The following NPAS3 variants were observed in gnomAD, a reference collection of about 807,000 sequenced individuals.
NPAS3 encodes neuronal PAS domain-containing protein 3.
In NPAS3, 14 loss-of-function variants were observed where a neutral mutation model predicts 73.1. The observed-to-expected ratio is 0.19, with a 90% CI of 0.13 to 0.30. The LOEUF (loss-of-function observed/expected upper bound fraction) is 0.30. NPAS3 is among the 10% of genes least tolerant of loss of function. The pLI is 1.00. For missense variants in NPAS3, 1,096 were observed against 1,250.0 expected (o/e 0.88, Z 1.86); for synonymous variants, 620 against 541.5 (o/e 1.14, Z -2.01).
chr14:33,656,840 C>G (rs2059158127), intron 5 of NPAS3, among the ~76,000 whole-genome samples: 1 of 152,182 alleles, frequency 6.6e-6, no homozygotes, highest in African/African-American at 2.4e-5. Flanking sequence ...TTTGTACACC[C>G]TAACCAAAAT....
At chr14:33,070,485 A>T (rs1213564388) in intron 2 of NPAS3, among the ~76,000 whole-genome samples, 1 of 152,338 alleles carries the variant, frequency 6.6e-6, no homozygotes, top group East Asian at 1.9e-4. Flanking sequence ...GTCTGAGCTC[A>T]GTATTACTGA....
At chr14:33,750,492 T>C (rs1194957385) in intron 7 of NPAS3, among the ~76,000 whole-genome samples, 1 of 152,194 alleles carries the variant, frequency 6.6e-6, no homozygotes, top group Non-Finnish European at 1.5e-5. Context: ...AACTAGAGTT[T>C]TAGAATGTAG....
intron 5 of NPAS3, chr14:33,583,542 G>A (rs1293045415): frequency 6.6e-6 from 1 of 152,034 alleles, no homozygotes; most frequent in Admixed American, 6.5e-5. Context: ...TGAGCTAATG[G>A]CATACCAGTT....
chr14:33,124,593 T>C (rs2043357684), intron 2 of NPAS3, among the ~76,000 whole-genome samples: 1 of 152,068 alleles, frequency 6.6e-6, no homozygotes, highest in Non-Finnish European at 1.5e-5. Flanking sequence ...AAGAGGCATG[T>C]TAATGGATAA....
chr14:33,603,632 T>C (rs1317132354), intron 5 of NPAS3, among the ~76,000 whole-genome samples: 1 of 152,102 alleles, frequency 6.6e-6, no homozygotes, highest in East Asian at 1.9e-4. Flanking sequence ...AGATTTCTCA[T>C]AGGAAGTTGG....
intron 3 of NPAS3, among the ~76,000 whole-genome samples, chr14:33,253,254 C>T (rs1463347317): frequency 1.3e-5 from 2 of 151,934 alleles, no homozygotes; most frequent in Admixed American, 6.6e-5. Context: ...ATAAATGTTC[C>T]CTTTTCTCCA....
chr14:33,797,637 G>C, intron 11 of NPAS3, 56 bp downstream of exon 11: 1 of 1,586,840 alleles, frequency 6.3e-7, no homozygotes, highest in Non-Finnish European at 8.6e-7. Context: ...ACGCGCAGGG[G>C]GTGGGCAACA....
At chr14:33,624,570 T>G (rs991003294) in intron 5 of NPAS3, among the ~76,000 whole-genome samples, 10 of 109,264 alleles carry the variant, frequency 9.2e-5, no homozygotes, top group Non-Finnish European at 7.7e-5. Flanking sequence ...AACTATGTAG[T>G]TTTTTTTTTT....
chr14:33,575,993 G>A (rs75528388), intron 5 of NPAS3, among the ~76,000 whole-genome samples: 2 of 152,042 alleles, frequency 1.3e-5, no homozygotes, highest in South Asian at 2.1e-4. Flanking sequence ...CCCCTTGTAG[G>A]CACCTCAACC....
At chr14:33,474,131 A>G (rs982793903) in intron 4 of NPAS3, among the ~76,000 whole-genome samples, 1 of 152,176 alleles carries the variant, frequency 6.6e-6, no homozygotes, top group Admixed American at 6.6e-5. Context: ...CAGGGTATTA[A>G]GCAGTGACAC....
intron 1 of NPAS3, among the ~76,000 whole-genome samples, chr14:33,000,047 T>TG (rs1424958183): frequency 3.9e-5 from 6 of 152,194 alleles, no homozygotes; most frequent in Admixed American, 1.3e-4. Flanking sequence ...TTCACTCTGC[T>TG]GGGGGAATAG....
At chr14:33,102,865 A>G (rs1303385808) in intron 2 of NPAS3, among the ~76,000 whole-genome samples, 1 of 152,164 alleles carries the variant, frequency 6.6e-6, no homozygotes, top group African/African-American at 2.4e-5. Context: ...CTGCCTCAAA[A>G]ATCTTATTTA....
chr14:33,383,391 C>T (rs919250848), intron 4 of NPAS3, among the ~76,000 whole-genome samples: 1 of 152,118 alleles, frequency 6.6e-6, no homozygotes, highest in African/African-American at 2.4e-5. Flanking sequence ...ATTAAAAAGT[C>T]AGTGATAGTA....
At chr14:33,590,824 C>T (rs1030665755) in intron 5 of NPAS3, among the ~76,000 whole-genome samples, 1 of 152,202 alleles carries the variant, frequency 6.6e-6, no homozygotes, top group Non-Finnish European at 1.5e-5. Context: ...CATCCTCCAT[C>T]TATTCATTGC....
At chr14:33,588,654 C>G (rs2056953674) in intron 5 of NPAS3, among the ~76,000 whole-genome samples, 1 of 152,212 alleles carries the variant, frequency 6.6e-6, no homozygotes, top group African/African-American at 2.4e-5. Context: ...CACTCTGTCA[C>G]CCAGGCTGGA....
chr14:33,422,509 C>T (rs1289181569), intron 4 of NPAS3, among the ~76,000 whole-genome samples: 1 of 151,782 alleles, frequency 6.6e-6, no homozygotes, highest in African/African-American at 2.4e-5. Context: ...TATGGTGATT[C>T]TAAGAAGGAT....
chr14:33,373,321 C>A (rs1392788269), intron 4 of NPAS3, among the ~76,000 whole-genome samples: 3 of 151,722 alleles, frequency 2.0e-5, no homozygotes, highest in Non-Finnish European at 4.4e-5. Flanking sequence ...ACAAGTTAAA[C>A]CTAGTACATG....
chr14:33,175,693 A>C (rs1203916624), intron 2 of NPAS3, among the ~76,000 whole-genome samples: 1 of 152,208 alleles, frequency 6.6e-6, no homozygotes, highest in South Asian at 2.1e-4. Flanking sequence ...TTTAATTCAT[A>C]AGGTTGCCTT....
intron 2 of NPAS3, among the ~76,000 whole-genome samples, chr14:33,179,943 A>G (rs1165423978): frequency 6.6e-6 from 1 of 152,224 alleles, no homozygotes; most frequent in African/African-American, 2.4e-5. Context: ...TTATGATAGA[A>G]CAGGTGTGTT....
Sources: gnomAD v4.1 joint callset for allele counts (sites outside exome capture counted in the v4.1 genomes callset) on GRCh38, gnomAD v4.1.1 for gene constraint, MANE v1.5 for transcripts, NCBI Gene and HGNC (gene_info 2026-07-23, HGNC 2026-07-21) for gene names.